The following NDC80 variants were observed in gnomAD, a reference collection of about 807,000 sequenced individuals.
The protein encoded by NDC80 is kinetochore protein NDC80 homolog.
A neutral mutation model predicts 89.3 loss-of-function variants in NDC80; 69 were observed. That is an observed-to-expected ratio of 0.77 (90% confidence interval 0.64 to 0.94). The LOEUF is 0.94. Among genes scored for constraint, NDC80 ranks in the 40% least tolerant of loss-of-function variants. NDC80 has a pLI of 0.00. For synonymous variants in NDC80, 243 were observed against 255.6 expected (o/e 0.95, Z 0.47); for missense variants, 593 against 739.6 (o/e 0.80, Z 2.30).
chr18:2,612,238 T>C (rs1425933858), intron 16 of NDC80, among the ~76,000 whole-genome samples: 1 of 150,610 alleles, frequency 6.6e-6, no homozygotes, highest in Non-Finnish European at 1.5e-5. Flanking sequence ...TGCTAAACAG[T>C]TGTGAACATC....
intron 9 of NDC80, 78 bp downstream of exon 9, chr18:2,589,388 C>A: frequency 2.0e-6 from 2 of 982,946 alleles, no homozygotes; most frequent in South Asian, 1.5e-5. Flanking sequence ...CTGTCTTTAT[C>A]AAAATTTTAA....
chr18:2,587,775 AAC>A (rs898957356), intron 7 of NDC80, 53 bp from the exon 8 acceptor site: 2 of 1,411,862 alleles, frequency 1.4e-6, no homozygotes, highest in Non-Finnish European at 2.0e-6. Context: ...AGAAAAGTGA[AAC>A]AGACCAAATA....
chr18:2,596,787 C>A (rs914171623), intron 11 of NDC80, among the ~76,000 whole-genome samples: 13 of 151,680 alleles, frequency 8.6e-5, no homozygotes, highest in African/African-American at 3.2e-4. Flanking sequence ...AAATGTCCAA[C>A]AATGATAGAC....
intron 13 of NDC80, among the ~76,000 whole-genome samples, chr18:2,601,699 G>T (rs1035799658): frequency 1.3e-5 from 2 of 151,994 alleles, no homozygotes; most frequent in Admixed American, 6.6e-5. Context: ...ATGATGAAGC[G>T]AGATGAAACT....
intron 9 of NDC80, 115 bp downstream of exon 9, chr18:2,589,425 T>A: frequency 2.8e-6 from 2 of 717,352 alleles, no homozygotes; most frequent in Non-Finnish European, 4.7e-6. Context: ...TTAAGCTTCT[T>A]AAAAGTTAAA....
chr18:2,594,501 T>G (rs2072644047), intron 10 of NDC80: 1 of 163,890 alleles, frequency 6.1e-6, no homozygotes, highest in Admixed American at 6.4e-5. Context: ...CCCACTATAC[T>G]GTGATGATGG....
chr18:2,575,819 G>A (rs190586024), intron 3 of NDC80, among the ~76,000 whole-genome samples: 2 of 152,314 alleles, frequency 1.3e-5, no homozygotes, highest in Non-Finnish European at 2.9e-5. Context: ...CATCTACTTG[G>A]AAGGCTGAAT....
chr18:2,613,007 A>G (rs993818561), intron 16 of NDC80, among the ~76,000 whole-genome samples: 2 of 152,236 alleles, frequency 1.3e-5, no homozygotes, highest in African/African-American at 4.8e-5. Context: ...GTTTAGATCT[A>G]AAGGTACTTT....
In NDC80 at chr18:2,572,743, T is replaced by G. The variant is rs563863013; in HGVS notation, c.-9-234T>G. 5.3e-5 allele frequency among the ~76,000 whole-genome samples: 8 copies of G among 152,284 alleles called. No homozygotes were observed. In the South Asian group the frequency reaches 1.7e-3, roughly 32 times the overall value. On this transcript the variant is annotated intron_variant, in intron 1 of 16. Coordinates refer to ENST00000261597, the MANE Select transcript of NDC80 (RefSeq NM_006101.3). ...TGCCTAGCACACTCCCCTATATATA[T>G]AGTGGGCAGTTAATAAATGTTTATG...
chr18:2,614,439 A>AAAGAAAGAAAGAAAG (rs2072761719), intron 16 of NDC80: 6 of 24,726 alleles, frequency 2.4e-4, no homozygotes, highest in African/African-American at 1.6e-3. Flanking sequence ...CTGTCTCAAA[A>AAAGAAAGAAAGAAAG]AAAGAAAGAA....
At chr18:2,588,146 G>T (rs1165145534) in intron 8 of NDC80, among the ~76,000 whole-genome samples, 2 of 152,122 alleles carry the variant, frequency 1.3e-5, no homozygotes, top group African/African-American at 4.8e-5. Context: ...ACTGTCTGTG[G>T]CGCCTTAATA....
intron 10 of NDC80, among the ~76,000 whole-genome samples, chr18:2,592,837 C>A (rs993461742): frequency 1.3e-5 from 2 of 152,090 alleles, no homozygotes; most frequent in Non-Finnish European, 2.9e-5. Context: ...ACTCTCTTGA[C>A]CCCTTAGTCA....
At chr18:2,591,962 G>A (rs1216788573) in intron 10 of NDC80, among the ~76,000 whole-genome samples, 2 of 152,000 alleles carry the variant, frequency 1.3e-5, no homozygotes, top group Non-Finnish European at 2.9e-5. Flanking sequence ...CACCATGCTG[G>A]CCAGGCTGGT....
rs1269343166 is a variant in NDC80, at chr18:2,578,145, T to C, written c.476+4T>C. On this transcript the variant is annotated splice_donor_region_variant and intron_variant, in intron 5 of 16. Transcript: ENST00000261597. The stretch of plus-strand genomic sequence containing the variant: ...CAAGAATCTTTAAAGACCTTGGGTA[T>C]GTATATTTCTTATTAGTTTAGAGAC... 6.2e-7 allele frequency: 1 copy of C among 1,609,926 alleles called. No individual in the cohort carries two copies. The highest frequency in any genetic ancestry group is 1.1e-5 in the South Asian group (1 of 90,546).
At chr18:2,597,832 A>AACTTGATGAAAGAGG (rs1380209368) in intron 11 of NDC80, among the ~76,000 whole-genome samples, 1 of 152,160 alleles carries the variant, frequency 6.6e-6, no homozygotes, top group Non-Finnish European at 1.5e-5. Context: ...AGAGGGAGGA[A>AACTTGATGAAAGAGG]GTGGTTGCCC....
At chr18:2,600,619 A>AT (rs1195842910) in intron 12 of NDC80, among the ~76,000 whole-genome samples, 1 of 152,188 alleles carries the variant, frequency 6.6e-6, no homozygotes, top group Admixed American at 6.5e-5. Flanking sequence ...AAAAAAAAAA[A>AT]CAGAGAGAGA....
chr18:2,614,185 T>A (rs933242070), intron 16 of NDC80, among the ~76,000 whole-genome samples: 1 of 152,176 alleles, frequency 6.6e-6, no homozygotes, highest in Non-Finnish European at 1.5e-5. Flanking sequence ...ATGCCTGTAA[T>A]CCCAGCACTT....
intron 14 of NDC80, among the ~76,000 whole-genome samples, chr18:2,607,366 CAT>C (rs1395172188): frequency 3.3e-5 from 5 of 152,072 alleles, no homozygotes; most frequent in Admixed American, 6.6e-5. Flanking sequence ...TTTGCCTGTG[CAT>C]AGTTAATACA....
chr18:2,579,825 C>T (rs1381365273), intron 6 of NDC80, among the ~76,000 whole-genome samples: 1 of 152,180 alleles, frequency 6.6e-6, no homozygotes, highest in African/African-American at 2.4e-5. Context: ...CTCTAGAAAA[C>T]TTGTACCAAT....
Sources: gnomAD v4.1 joint callset for allele counts (sites outside exome capture counted in the v4.1 genomes callset) on GRCh38, gnomAD v4.1.1 for gene constraint, MANE v1.5 for transcripts, NCBI Gene and HGNC (gene_info 2026-07-23, HGNC 2026-07-21) for gene names.